The following NLGN1 variants were observed in gnomAD, a reference collection of about 807,000 sequenced individuals.
NLGN1 encodes neuroligin 1.
A neutral mutation model predicts 65.5 loss-of-function variants in NLGN1; 12 were observed. That is an observed-to-expected ratio of 0.18 (90% CI 0.12 to 0.30). The LOEUF (loss-of-function observed/expected upper bound fraction) is 0.30. Among genes scored for constraint, NLGN1 ranks in the 10% least tolerant of loss-of-function variants. The pLI is 1.00. For synonymous variants in NLGN1, 350 were observed against 359.5 expected (o/e 0.97, Z 0.30); for missense variants, 750 against 1,007.1 (o/e 0.74, Z 3.46).
intron 3 of NLGN1, among the ~76,000 whole-genome samples, chr3:173,605,998 A>G (rs1401139965): frequency 6.6e-6 from 1 of 152,110 alleles, no homozygotes; most frequent in Non-Finnish European, 1.5e-5. Flanking sequence ...ACTCAATCAC[A>G]AATCTAGTTG....
intron 4 of NLGN1, among the ~76,000 whole-genome samples, chr3:174,085,015 A>G (rs1425020532): frequency 6.6e-6 from 1 of 152,040 alleles, no homozygotes; most frequent in Non-Finnish European, 1.5e-5. Context: ...AAAATTCTTG[A>G]AAGAAAAACA....
chr3:173,795,979 A>G (rs1371837559), intron 3 of NLGN1, among the ~76,000 whole-genome samples: 1 of 152,150 alleles, frequency 6.6e-6, no homozygotes, highest in Non-Finnish European at 1.5e-5. Context: ...TGGTGGGACC[A>G]CTGGAGCCAG....
chr3:173,448,832 T>A (rs1201479407), intron 2 of NLGN1, among the ~76,000 whole-genome samples: 2 of 152,100 alleles, frequency 1.3e-5, no homozygotes, highest in Non-Finnish European at 2.9e-5. Context: ...TCTTCTAGAT[T>A]TTCTAGTTTA....
At chr3:174,019,961 G>T (rs1396286860) in intron 4 of NLGN1, among the ~76,000 whole-genome samples, 1 of 152,048 alleles carries the variant, frequency 6.6e-6, no homozygotes, top group Non-Finnish European at 1.5e-5. Flanking sequence ...TCAATGACTT[G>T]CTCCTAAAAA....
At chr3:174,103,975 AT>A (rs1334433775) in intron 4 of NLGN1, among the ~76,000 whole-genome samples, 1 of 151,956 alleles carries the variant, frequency 6.6e-6, no homozygotes, top group Non-Finnish European at 1.5e-5. Flanking sequence ...TATCTTTTGT[AT>A]AAAAGCAGAA....
chr3:173,719,557 G>A (rs1044404108), intron 3 of NLGN1, among the ~76,000 whole-genome samples: 58 of 152,228 alleles, frequency 3.8e-4, no homozygotes, highest in African/African-American at 1.3e-3. Flanking sequence ...AGAAGGCGTC[G>A]TGTTGCATAG....
chr3:174,179,332 A>G (rs73036599), intron 4 of NLGN1, among the ~76,000 whole-genome samples: 2,287 of 152,234 alleles, frequency 0.015, 56 homozygotes, highest in African/African-American at 0.052. Flanking sequence ...GTAGTTGAAG[A>G]AAAGAGTAGA....
At chr3:173,668,942 A>G (rs1762096278) in intron 3 of NLGN1, among the ~76,000 whole-genome samples, 1 of 152,150 alleles carries the variant, frequency 6.6e-6, no homozygotes, top group African/African-American at 2.4e-5. Flanking sequence ...TATCTTTAAT[A>G]TGGGAATACT....
intron 2 of NLGN1, among the ~76,000 whole-genome samples, chr3:173,577,776 T>C (rs1745740333): frequency 1.3e-5 from 2 of 152,166 alleles, no homozygotes; most frequent in Admixed American, 1.3e-4. Flanking sequence ...ATATCATCTT[T>C]GAAAAACTTG....
intron 4 of NLGN1, among the ~76,000 whole-genome samples, chr3:173,898,418 A>T (rs1010011738): frequency 6.6e-6 from 1 of 152,196 alleles, no homozygotes; most frequent in African/African-American, 2.4e-5. Context: ...CCCATTGTGC[A>T]TTCAGAGATG....
In NLGN1 at chr3:173,697,454, G is replaced by T. The variant is rs1052142834; in HGVS notation, c.493+92363G>T. 3.9e-5 allele frequency among the ~76,000 whole-genome samples: 6 copies of T among 152,058 alleles called. No individual in the cohort carries two copies. In the East Asian group the frequency reaches 5.8e-4, roughly 15 times the overall value. Reference sequence around the variant, plus strand: ...TTTTTCATTGTCTGATTTTGTGAAAGGATTTTTAAAAACATTAAGAGAGGG... The same window carrying T: ...TTTTTCATTGTCTGATTTTGTGAAATGATTTTTAAAAACATTAAGAGAGGG... On this transcript the variant is annotated intron_variant, in intron 3 of 6. Transcript: ENST00000457714.
intron 2 of NLGN1, among the ~76,000 whole-genome samples, chr3:173,575,283 A>G (rs1279542597): frequency 6.6e-6 from 1 of 152,226 alleles, no homozygotes; most frequent in Non-Finnish European, 1.5e-5. Flanking sequence ...AATTTCAGTT[A>G]ATGTCAAGAT....
intron 4 of NLGN1, among the ~76,000 whole-genome samples, chr3:173,844,807 C>G (rs1725432822): frequency 6.6e-6 from 1 of 152,174 alleles, no homozygotes; most frequent in Non-Finnish European, 1.5e-5. Context: ...TTTTATTGAG[C>G]CTGTAGTGTG....
intron 3 of NLGN1, among the ~76,000 whole-genome samples, chr3:173,617,071 T>C (rs1263871648): frequency 6.6e-6 from 1 of 152,138 alleles, no homozygotes; most frequent in Non-Finnish European, 1.5e-5. Flanking sequence ...TCAGGACCCT[T>C]GCACATGCTG....
chr3:174,236,884 T>C (rs1741812348), intron 4 of NLGN1, among the ~76,000 whole-genome samples: 1 of 152,126 alleles, frequency 6.6e-6, no homozygotes, highest in Non-Finnish European at 1.5e-5. Flanking sequence ...TCCCAGTTAG[T>C]ACACAATTTT....
At chr3:173,747,060 ACACACAC>A in intron 3 of NLGN1, among the ~76,000 whole-genome samples, 1 of 3,234 alleles carries the variant, frequency 3.1e-4, no homozygotes, top group Non-Finnish European at 7.7e-4. Flanking sequence ...AATTATATAT[ACACACAC>A]ACACACACAC....
chr3:173,539,520 T>C (rs1738099023), intron 2 of NLGN1, among the ~76,000 whole-genome samples: 1 of 144,224 alleles, frequency 6.9e-6, no homozygotes, highest in East Asian at 2.0e-4. Flanking sequence ...TGTACATGTA[T>C]ATGTATATAT....
At chr3:173,973,803 G>A (rs1392353746) in intron 4 of NLGN1, among the ~76,000 whole-genome samples, 1 of 151,886 alleles carries the variant, frequency 6.6e-6, no homozygotes, top group African/African-American at 2.4e-5. Flanking sequence ...CTACACAGAC[G>A]AGCCATGGTA....
chr3:173,741,353 A>G (rs1211029361), intron 3 of NLGN1, among the ~76,000 whole-genome samples: 1 of 152,074 alleles, frequency 6.6e-6, no homozygotes, highest in African/African-American at 2.4e-5. Context: ...CCCAGGAAAT[A>G]TTTCTTATAT....
Sources: gnomAD v4.1 joint callset for allele counts (sites outside exome capture counted in the v4.1 genomes callset) on GRCh38, gnomAD v4.1.1 for gene constraint, MANE v1.5 for transcripts, NCBI Gene and HGNC (gene_info 2026-07-23, HGNC 2026-07-21) for gene names.